Variants in CNTN1 observed in about 807,000 individuals in gnomAD.
CNTN1 encodes contactin-1.
CNTN1 carries 38 observed loss-of-function variants against 126.4 expected under a neutral mutation model. That is an observed-to-expected ratio of 0.30 (90% CI 0.23 to 0.39). CNTN1 has a LOEUF of 0.39. Among genes scored for constraint, CNTN1 ranks in the 10% least tolerant of loss-of-function variants. CNTN1 has a pLI of 1.00. For missense variants in CNTN1, 1,009 were observed against 1,248.4 expected (o/e 0.81, Z 2.89); for synonymous variants, 413 against 422.6 (o/e 0.98, Z 0.28).
chr12:40,784,906 A>G (rs899969968), intron 1 of CNTN1, among the ~76,000 whole-genome samples: 1 of 152,130 alleles, frequency 6.6e-6, no homozygotes, highest in African/African-American at 2.4e-5. Flanking sequence ...ACAAACCTCA[A>G]CTGATACTTT....
At chr12:40,982,596 G>C (rs1947847314) in intron 16 of CNTN1, among the ~76,000 whole-genome samples, 1 of 152,062 alleles carries the variant, frequency 6.6e-6, no homozygotes, top group Admixed American at 6.6e-5. Context: ...ACCTATATCA[G>C]GGCCCACAGT....
At chr12:40,864,929 G>A (rs1943248124) in intron 1 of CNTN1, among the ~76,000 whole-genome samples, 2 of 149,520 alleles carry the variant, frequency 1.3e-5, no homozygotes, top group East Asian at 1.9e-4. Flanking sequence ...GTTTTCCAAA[G>A]TAACAGCACT....
intron 1 of CNTN1, among the ~76,000 whole-genome samples, chr12:40,824,812 T>A (rs1826997623): frequency 6.6e-6 from 1 of 152,164 alleles, no homozygotes; most frequent in Non-Finnish European, 1.5e-5. Context: ...CATTTCCCAA[T>A]GCTCCCATGG....
chr12:40,871,377 T>C (rs1943489035), intron 1 of CNTN1, among the ~76,000 whole-genome samples: 1 of 152,120 alleles, frequency 6.6e-6, no homozygotes, highest in Non-Finnish European at 1.5e-5. Flanking sequence ...AAGTATGGCT[T>C]ACCCTTTAAA....
At chr12:40,818,837 C>T (rs1379462525) in intron 1 of CNTN1, among the ~76,000 whole-genome samples, 2 of 152,006 alleles carry the variant, frequency 1.3e-5, no homozygotes, top group Non-Finnish European at 2.9e-5. Flanking sequence ...AGGCTGCTGA[C>T]CTTTGGATGG....
chr12:40,742,738 C>T (rs966187311), intron 1 of CNTN1, among the ~76,000 whole-genome samples: 1 of 151,926 alleles, frequency 6.6e-6, no homozygotes, highest in Non-Finnish European at 1.5e-5. Context: ...TCTTATAAGG[C>T]CTTATAAGCA....
At chr12:40,740,280 AATGCAG>A (rs1490268699) in intron 1 of CNTN1, among the ~76,000 whole-genome samples, 1 of 152,046 alleles carries the variant, frequency 6.6e-6, no homozygotes, top group Non-Finnish European at 1.5e-5. Context: ...ATCATTGCAA[AATGCAG>A]ATTTACCCCA....
intron 1 of CNTN1, among the ~76,000 whole-genome samples, chr12:40,872,021 A>G (rs1943515884): frequency 6.6e-6 from 1 of 152,138 alleles, no homozygotes; most frequent in South Asian, 2.1e-4. Context: ...ATAAAAAACT[A>G]TTTTTACTTT....
intron 6 of CNTN1, among the ~76,000 whole-genome samples, chr12:40,929,336 G>GCA (rs529408610): frequency 1.9e-4 from 28 of 148,790 alleles, no homozygotes; most frequent in South Asian, 1.5e-3. Context: ...TAAAATAGGT[G>GCA]CACACACACA....
Position 40,905,469 on chromosome 12 carries a change from A to T in CNTN1, c.-76-2888A>T, listed in dbSNP as rs74857998. On this transcript the variant is annotated intron_variant, in intron 1 of 23. Coordinates refer to ENST00000551295, the MANE Select transcript of CNTN1 (RefSeq NM_001843.4). ...TCTTGCCCCTCAATAGCAACACTGC[A>T]GTAGCATCTCTTGCTCTTAAATGTG... 2.5e-4 allele frequency among the ~76,000 whole-genome samples: 38 copies of T among 152,324 alleles called. 1 individual carries two copies. In the East Asian group the frequency reaches 5.8e-3, roughly 23 times the overall value.
intron 1 of CNTN1, among the ~76,000 whole-genome samples, chr12:40,824,640 G>A (rs996523661): frequency 7.9e-5 from 12 of 152,036 alleles, no homozygotes; most frequent in African/African-American, 2.2e-4. Context: ...TGATTTTTAC[G>A]CGATAAAACT....
At chr12:40,995,962 T>C (rs910960609) in intron 17 of CNTN1, among the ~76,000 whole-genome samples, 2 of 152,190 alleles carry the variant, frequency 1.3e-5, no homozygotes, top group Admixed American at 6.5e-5. Flanking sequence ...CCAGCTAATG[T>C]GAGGCAGAGC....
intron 1 of CNTN1, among the ~76,000 whole-genome samples, chr12:40,798,469 C>T (rs1459384559): frequency 6.6e-6 from 1 of 151,906 alleles, no homozygotes; most frequent in East Asian, 1.9e-4. Context: ...AAAGGAAGTT[C>T]TTTAGGTGGA....
At chr12:40,930,228 T>G (rs948083539) in intron 7 of CNTN1, among the ~76,000 whole-genome samples, 4 of 151,988 alleles carry the variant, frequency 2.6e-5, no homozygotes, top group African/African-American at 9.7e-5. Context: ...ATGAGTTGCC[T>G]CTAGCTCGGA....
intron 7 of CNTN1, among the ~76,000 whole-genome samples, 180 bp from the exon 8 acceptor site, chr12:40,933,281 G>A (rs1945960694): frequency 6.6e-6 from 1 of 151,886 alleles, no homozygotes; most frequent in Admixed American, 6.6e-5. Flanking sequence ...ATACTGAGAA[G>A]TTATACTATA....
Position 40,839,365 on chromosome 12 carries a change from G to A in CNTN1, c.-76-68992G>A, listed in dbSNP as rs370444824. Among the ~76,000 whole-genome samples, 35 of 152,214 alleles carry A rather than the reference G, an allele frequency of 2.3e-4. No homozygotes were observed. In the East Asian group the frequency reaches 4.8e-3, roughly 21 times the overall value. On this transcript the variant is annotated intron_variant, in intron 1 of 23. Transcript: ENST00000551295. Reference sequence around the variant, plus strand: ...ACAAAAAGATTAGAAACTGTTTAACGAAATGATAGATGAAAATTTCCCAAA... The same window carrying A: ...ACAAAAAGATTAGAAACTGTTTAACAAAATGATAGATGAAAATTTCCCAAA...
Position 41,020,526 on chromosome 12 carries a change from C to G in CNTN1, c.2523+86C>G. ...CAAATGTGTTGTATGTTTCAATGTC[C>G]CATTAATTTATGTGGCAACTAATAC... On this transcript the variant is annotated intron_variant, in intron 20 of 23. Coordinates refer to ENST00000551295, the MANE Select transcript of CNTN1 (RefSeq NM_001843.4). 1.1e-5 allele frequency: 9 copies of G among 843,768 alleles called. No homozygotes were observed. In the South Asian group the frequency reaches 1.4e-4, roughly 13 times the overall value. 52.3% of individuals were successfully genotyped at this position (843,768 alleles called of 1,614,324 possible). A position where few individuals can be genotyped will look rare whatever the true frequency, so the allele number is the denominator to read the frequency against.
At chr12:40,783,712 G>A (rs1392338718) in intron 1 of CNTN1, among the ~76,000 whole-genome samples, 2 of 152,012 alleles carry the variant, frequency 1.3e-5, no homozygotes, top group African/African-American at 4.8e-5. Context: ...TGTGAAACAC[G>A]TAAATCAGGT....
chr12:40,944,050 C>T lies in CNTN1; in HGVS notation c.1563C>T (p.Asn521=), dbSNP rs201595623. ...ATGCCGATATCACAGTTGGAGAAAA[C>T]GCCACCATGCAGTGTGCTGCGTCCT... ...PINADITVGE[N]ATMQCAASFD... is the part of the protein sequence containing the mutation. The change falls in exon 14 of 24, where the codon AAC becomes AAT. Residue 521 remains asparagine (N), a synonymous_variant. Transcript: ENST00000551295. The T allele has an allele frequency of 2.6e-4, 413 of 1,613,472 alleles. 3 individuals carry two copies. The South Asian group carries it at 4.2e-3, about 16-fold the overall frequency.
Sources: gnomAD v4.1 joint callset for allele counts (sites outside exome capture counted in the v4.1 genomes callset) on GRCh38, gnomAD v4.1.1 for gene constraint, MANE v1.5 for transcripts, NCBI Gene and HGNC (gene_info 2026-07-23, HGNC 2026-07-21) for gene names.